CDH13: variants seen among roughly 807,000 people sequenced by gnomAD.
CDH13 encodes cadherin-13.
In CDH13, 24 loss-of-function variants were observed where a neutral mutation model predicts 63.8. The observed-to-expected ratio is 0.38, with a 90% CI of 0.27 to 0.53. The LOEUF (loss-of-function observed/expected upper bound fraction) is 0.53. Among genes scored for constraint, CDH13 ranks in the 20% least tolerant of loss-of-function variants. The pLI, the probability that CDH13 is intolerant of heterozygous loss-of-function variation, is 0.85. For synonymous variants in CDH13, 503 were observed against 355.3 expected (o/e 1.42, Z -4.67); for missense variants, 1,049 against 903.1 (o/e 1.16, Z -2.07).
At chr16:83,183,325 C>T (rs1295614034) in intron 4 of CDH13, among the ~76,000 whole-genome samples, 1 of 152,142 alleles carries the variant, frequency 6.6e-6, no homozygotes, top group Non-Finnish European at 1.5e-5. Context: ...GACCTGTGAC[C>T]TCTAGATAAA....
intron 5 of CDH13, among the ~76,000 whole-genome samples, chr16:83,267,884 C>G (rs930263703): frequency 6.6e-6 from 1 of 152,218 alleles, no homozygotes; most frequent in African/African-American, 2.4e-5. Context: ...TCCCATGCCC[C>G]ACACATGTGC....
intron 3 of CDH13, among the ~76,000 whole-genome samples, chr16:83,033,482 C>T (rs907258896): frequency 3.3e-5 from 5 of 152,040 alleles, no homozygotes; most frequent in Admixed American, 2.0e-4. Flanking sequence ...TACGTATGTA[C>T]AGGCATACAC....
At chr16:83,299,144 T>C (rs2089671038) in intron 5 of CDH13, among the ~76,000 whole-genome samples, 1 of 152,222 alleles carries the variant, frequency 6.6e-6, no homozygotes, top group South Asian at 2.1e-4. Context: ...GCAACCTGTT[T>C]TATCTAATCT....
At chr16:83,590,470 G>A (rs1906627575) in intron 7 of CDH13, among the ~76,000 whole-genome samples, 1 of 152,190 alleles carries the variant, frequency 6.6e-6, no homozygotes, top group Non-Finnish European at 1.5e-5. Flanking sequence ...AGGTTGTGGG[G>A]AAGATGGGTT....
At chr16:83,305,560 C>G (rs13338969) in intron 5 of CDH13, among the ~76,000 whole-genome samples, 72,474 of 151,974 alleles carry the variant, frequency 0.48, 17,424 homozygotes, top group East Asian at 0.53. Flanking sequence ...CTAGAAGTTG[C>G]AATTATATCT....
At chr16:82,778,608 A>G (rs1295873341) in intron 1 of CDH13, among the ~76,000 whole-genome samples, 2 of 143,548 alleles carry the variant, frequency 1.4e-5, no homozygotes, top group African/African-American at 5.1e-5. Flanking sequence ...TGCTTTATCT[A>G]TTCTCACTAC....
intron 2 of CDH13, among the ~76,000 whole-genome samples, chr16:82,985,844 G>T (rs1297891746): frequency 6.6e-6 from 1 of 152,080 alleles, no homozygotes; most frequent in Non-Finnish European, 1.5e-5. Flanking sequence ...GTTCTTATGA[G>T]ATCTGGTCGT....
At chr16:82,877,867 C>T (rs1567623295) in intron 2 of CDH13, among the ~76,000 whole-genome samples, 2 of 150,116 alleles carry the variant, frequency 1.3e-5, no homozygotes, top group Admixed American at 6.7e-5. Flanking sequence ...CTCTAGGACT[C>T]AAACCCTGTC....
chr16:83,138,735 GT>G (rs1485433647), intron 4 of CDH13, among the ~76,000 whole-genome samples: 1 of 152,156 alleles, frequency 6.6e-6, no homozygotes, highest in African/African-American at 2.4e-5. Flanking sequence ...GTTTAGTCCT[GT>G]TACGCTGGGT....
intron 1 of CDH13, among the ~76,000 whole-genome samples, chr16:82,733,255 G>A (rs910217242): frequency 1.1e-4 from 17 of 152,148 alleles, no homozygotes; most frequent in African/African-American, 3.9e-4. Flanking sequence ...TTGCATTGTC[G>A]ATTGTGTGGA....
At chr16:82,760,024 T>C (rs2034772296) in intron 1 of CDH13, among the ~76,000 whole-genome samples, 2 of 152,246 alleles carry the variant, frequency 1.3e-5, no homozygotes, top group African/African-American at 2.4e-5. Context: ...GCAATAATTA[T>C]GTGATTACAA....
At chr16:83,535,219 G>T (rs955400093) in intron 7 of CDH13, among the ~76,000 whole-genome samples, 1 of 152,224 alleles carries the variant, frequency 6.6e-6, no homozygotes, top group Non-Finnish European at 1.5e-5. Context: ...GAGGCAGCCT[G>T]GTATGTGCAA....
chr16:83,094,362 G>T (rs891591952), intron 3 of CDH13, among the ~76,000 whole-genome samples: 1 of 152,162 alleles, frequency 6.6e-6, no homozygotes, highest in Non-Finnish European at 1.5e-5. Flanking sequence ...TTATTTTCAC[G>T]CCTGAAAGAT....
intron 4 of CDH13, among the ~76,000 whole-genome samples, chr16:83,207,654 T>C (rs989673072): frequency 2.0e-5 from 3 of 152,046 alleles, no homozygotes; most frequent in African/African-American, 7.2e-5. Context: ...AATAATAAGT[T>C]TTAAAATAAC....
At chr16:83,244,843 C>G (rs1904827932) in intron 5 of CDH13, among the ~76,000 whole-genome samples, 1 of 152,190 alleles carries the variant, frequency 6.6e-6, no homozygotes, top group African/African-American at 2.4e-5. Flanking sequence ...TCATTAGAGA[C>G]TTACTGCCCA....
At chr16:83,215,455 T>C (rs964962760) in intron 4 of CDH13, among the ~76,000 whole-genome samples, 1 of 151,830 alleles carries the variant, frequency 6.6e-6, no homozygotes, top group Non-Finnish European at 1.5e-5. Flanking sequence ...GTAATTGGTG[T>C]TTAGTCAACA....
chr16:82,996,194 G>A (rs1597377231), intron 2 of CDH13, among the ~76,000 whole-genome samples: 1 of 152,092 alleles, frequency 6.6e-6, no homozygotes, highest in African/African-American at 2.4e-5. Flanking sequence ...GCAGTGAGTA[G>A]AAGGTCATTA....
intron 2 of CDH13, among the ~76,000 whole-genome samples, chr16:83,025,875 CAG>C (rs893468723): frequency 1.3e-5 from 2 of 152,122 alleles, no homozygotes; most frequent in African/African-American, 4.8e-5. Flanking sequence ...TTAGATTAAT[CAG>C]GGGGAGCTTT....
At chr16:83,613,081 A>G (rs1332538709) in intron 8 of CDH13, among the ~76,000 whole-genome samples, 1 of 152,180 alleles carries the variant, frequency 6.6e-6, no homozygotes, top group Non-Finnish European at 1.5e-5. Flanking sequence ...CTTGGTTGCC[A>G]GTTATTTTCT....
Sources: allele counts gnomAD v4.1 joint callset (sites outside exome capture counted in the v4.1 genomes callset), GRCh38; gene constraint gnomAD v4.1.1; transcripts MANE v1.5; gene names NCBI Gene and HGNC (gene_info 2026-07-23, HGNC 2026-07-21).